PTPRO: variants seen among roughly 807,000 people sequenced by gnomAD.
PTPRO encodes the protein receptor-type tyrosine-protein phosphatase O.
Under a neutral mutation model 145.2 loss-of-function variants are expected in PTPRO, and 62 were observed. The ratio of observed to expected loss-of-function variants is 0.43; its 90% confidence interval spans 0.35 to 0.53. PTPRO has a LOEUF of 0.53. Ranked by LOEUF, PTPRO falls within the 20% of genes least tolerant of loss-of-function variation. The pLI, the probability that PTPRO is intolerant of heterozygous loss-of-function variation, is 0.01. For synonymous variants in PTPRO, 565 were observed against 514.7 expected, an observed-to-expected ratio of 1.10 and a Z score of -1.32; for missense variants, 1,345 against 1,482.7, an observed-to-expected ratio of 0.91 and a Z score of 1.53.
At chr12:15,327,362 T>C (rs1380224435) in intron 1 of PTPRO, among the ~76,000 whole-genome samples, 1 of 152,200 alleles carries the variant, frequency 6.6e-6, no homozygotes. Context: ...TTAACCTGTA[T>C]GGGTGACCTA....
intron 24 of PTPRO, among the ~76,000 whole-genome samples, chr12:15,589,026 A>G (rs1299902544): frequency 6.6e-6 from 1 of 152,222 alleles, no homozygotes; most frequent in Non-Finnish European, 1.5e-5. Context: ...GCGTTTTTCC[A>G]CAAGGGTACT....
At chr12:15,481,847 T>G (rs892921482) in intron 1 of PTPRO, among the ~76,000 whole-genome samples, 4 of 152,184 alleles carry the variant, frequency 2.6e-5, no homozygotes, top group Non-Finnish European at 4.4e-5. Context: ...TGATGTGTAT[T>G]GTGTGCTTTG....
At chr12:15,521,124 G>C (rs1942710834) in intron 10 of PTPRO, among the ~76,000 whole-genome samples, 1 of 152,040 alleles carries the variant, frequency 6.6e-6, no homozygotes, top group South Asian at 2.1e-4. Context: ...GTTGTAATTA[G>C]AGTTGTCCTG....
chr12:15,414,666 C>T (rs1424377302), intron 1 of PTPRO, among the ~76,000 whole-genome samples: 1 of 152,212 alleles, frequency 6.6e-6, no homozygotes, highest in Non-Finnish European at 1.5e-5. Flanking sequence ...CTGCTTCAAT[C>T]ACATTCATAA....
At chr12:15,380,386 G>T (rs956448595) in intron 1 of PTPRO, among the ~76,000 whole-genome samples, 13 of 152,044 alleles carry the variant, frequency 8.6e-5, no homozygotes, top group African/African-American at 2.9e-4. Flanking sequence ...GGAGGGGAAA[G>T]ATAACTAAAT....
At chr12:15,549,032 T>C in intron 13 of PTPRO, 62 bp from the exon 14 acceptor site, 3 of 1,534,340 alleles carry the variant, frequency 2.0e-6, no homozygotes. Flanking sequence ...AACTATGAAA[T>C]ATATTTTTAA....
chr12:15,388,648 A>T (rs961076935), intron 1 of PTPRO, among the ~76,000 whole-genome samples: 1 of 152,244 alleles, frequency 6.6e-6, no homozygotes, highest in Non-Finnish European at 1.5e-5. Context: ...AGGAGGATAG[A>T]TAACAGCATG....
intron 1 of PTPRO, among the ~76,000 whole-genome samples, chr12:15,384,281 G>T (rs1037532700): frequency 3.3e-5 from 5 of 152,150 alleles, no homozygotes; most frequent in Non-Finnish European, 7.3e-5. Flanking sequence ...CTAGTAGTGG[G>T]ATTGCTGGAT....
intron 1 of PTPRO, among the ~76,000 whole-genome samples, chr12:15,409,019 C>T (rs576654676): frequency 5.3e-5 from 8 of 152,102 alleles, no homozygotes; most frequent in Admixed American, 5.2e-4. Context: ...ATTATATTTC[C>T]ATTTCTTCAC....
At chr12:15,348,918 CATTAT>C (rs1937693721) in intron 1 of PTPRO, among the ~76,000 whole-genome samples, 1 of 152,144 alleles carries the variant, frequency 6.6e-6, no homozygotes, top group Non-Finnish European at 1.5e-5. Context: ...TGTTTCAAGT[CATTAT>C]ATTTGTATAA....
At chr12:15,437,797 C>A (rs368071456) in intron 1 of PTPRO, among the ~76,000 whole-genome samples, 36 of 152,304 alleles carry the variant, frequency 2.4e-4, no homozygotes, top group African/African-American at 8.7e-4. Flanking sequence ...CTTCTGGGTG[C>A]CTGGTAGCCA....
chr12:15,421,482 T>C (rs190240186), intron 1 of PTPRO, among the ~76,000 whole-genome samples: 79 of 152,308 alleles, frequency 5.2e-4, no homozygotes, highest in Non-Finnish European at 5.7e-4. Context: ...AGAATAGGCA[T>C]AGTACAACTA....
chr12:15,447,189 A>G (rs1271998861), intron 1 of PTPRO, among the ~76,000 whole-genome samples: 1 of 152,160 alleles, frequency 6.6e-6, no homozygotes, highest in African/African-American at 2.4e-5. Context: ...GTGAAATAGA[A>G]TAACAACAAA....
Position 15,526,177 on chromosome 12 carries a change from G to A in PTPRO, c.2079G>A (p.Leu693=), listed in dbSNP as rs1007106709. The A allele has an allele frequency of 1.2e-6, 2 of 1,613,828 alleles. No individual in the cohort carries two copies. The highest frequency in any genetic ancestry group is 2.7e-5 in the African/African-American group (2 of 74,894). Residue 693 remains leucine, a synonymous_variant, in exon 12 of 27, where the codon TTG becomes TTA. Transcript: ENST00000281171. ...ATGTCATGACTGCAATTCTCAGCTT[G>A]CCTCCAGGCGACATCTATAACCTCT... is the stretch of plus-strand genomic sequence containing the variant. ...TRNVMTAILS[L]PPGDIYNLSV... is the part of the protein sequence containing the mutation.
At chr12:15,399,673 A>G (rs1939435482) in intron 1 of PTPRO, among the ~76,000 whole-genome samples, 1 of 152,142 alleles carries the variant, frequency 6.6e-6, no homozygotes, top group Admixed American at 6.5e-5. Flanking sequence ...ATAGAAAAAC[A>G]TATTGCTTAG....
intron 1 of PTPRO, among the ~76,000 whole-genome samples, chr12:15,409,713 GC>G (rs11343855): frequency 0.021 from 3,248 of 152,238 alleles, 125 homozygotes; most frequent in African/African-American, 0.074. Context: ...ATGTCACTTG[GC>G]GAGAGCAGGT....
At chr12:15,518,712 G>A (rs1050175929) in intron 9 of PTPRO, among the ~76,000 whole-genome samples, 2 of 152,106 alleles carry the variant, frequency 1.3e-5, no homozygotes, top group African/African-American at 4.8e-5. Flanking sequence ...ATCCCTAAGG[G>A]AGGCACAAAA....
At chr12:15,499,933 T>G (rs554753308) in intron 4 of PTPRO, among the ~76,000 whole-genome samples, 6 of 152,312 alleles carry the variant, frequency 3.9e-5, no homozygotes, top group Admixed American at 2.0e-4. Context: ...AGTGAAGACA[T>G]TCTAGTACAG....
intron 15 of PTPRO, 72 bp from the exon 16 acceptor site, chr12:15,557,383 T>C: frequency 1.5e-6 from 2 of 1,326,146 alleles, no homozygotes; most frequent in South Asian, 1.2e-5. Context: ...GTAAAGACTC[T>C]CTTTACTTTT....
Sources: allele counts gnomAD v4.1 joint callset (sites outside exome capture counted in the v4.1 genomes callset), GRCh38; gene constraint gnomAD v4.1.1; transcripts MANE v1.5; gene names NCBI Gene and HGNC (gene_info 2026-07-23, HGNC 2026-07-21).